Variants in ARID4B observed in about 807,000 individuals in gnomAD.
ARID4B encodes AT-rich interactive domain-containing protein 4B.
A neutral mutation model predicts 147.5 loss-of-function variants in ARID4B; 26 were observed. The ratio of observed to expected loss-of-function variants is 0.18; its 90% confidence interval spans 0.13 to 0.24. The LOEUF (loss-of-function observed/expected upper bound fraction) is 0.24, where lower values mean the gene tolerates loss of function less well. Ranked by LOEUF, ARID4B falls within the 10% of genes least tolerant of loss-of-function variation. ARID4B has a pLI of 1.00. For missense variants in ARID4B, 1,179 were observed against 1,511.5 expected (o/e 0.78, Z 3.65); for synonymous variants, 512 against 507.9 (o/e 1.01, Z -0.11).
At chr1:235,197,476 T>C (rs986419064) in intron 17 of ARID4B, among the ~76,000 whole-genome samples, 1 of 152,196 alleles carries the variant, frequency 6.6e-6, no homozygotes, top group East Asian at 1.9e-4. Context: ...TACTGGCTTG[T>C]AGCCAGTAAA....
At chr1:235,255,797 A>G in intron 4 of ARID4B, 47 bp from the exon 5 acceptor site, 1 of 1,342,538 alleles carries the variant, frequency 7.4e-7, no homozygotes, top group Non-Finnish European at 1.0e-6. Context: ...AAGGTAAATT[A>G]ACAAACCAAA....
intron 2 of ARID4B, among the ~76,000 whole-genome samples, chr1:235,297,182 T>A (rs954915206): frequency 6.6e-6 from 1 of 152,066 alleles, no homozygotes; most frequent in Non-Finnish European, 1.5e-5. Context: ...CAGGAACCCA[T>A]CTGAAGGGGT....
chr1:235,190,281 C>T (rs2102948066), intron 19 of ARID4B, among the ~76,000 whole-genome samples: 1 of 152,160 alleles, frequency 6.6e-6, no homozygotes, highest in East Asian at 1.9e-4. Context: ...AACCCCATCT[C>T]TACTAAAAAT....
intron 19 of ARID4B, among the ~76,000 whole-genome samples, chr1:235,186,694 T>G (rs1664708836): frequency 6.6e-6 from 1 of 151,898 alleles, no homozygotes. Context: ...TGAGCCACTG[T>G]GCCCAGCTCT....
intron 6 of ARID4B, among the ~76,000 whole-genome samples, chr1:235,248,586 G>C (rs1669448821): frequency 6.6e-6 from 1 of 152,166 alleles, no homozygotes; most frequent in African/African-American, 2.4e-5. Flanking sequence ...ATAAAAGAGA[G>C]AGAGAGATTT....
intron 2 of ARID4B, among the ~76,000 whole-genome samples, chr1:235,271,658 T>C (rs1670995508): frequency 6.8e-6 from 1 of 147,846 alleles, no homozygotes; most frequent in Non-Finnish European, 1.5e-5. Context: ...TAAATAATAA[T>C]AATAATCCAG....
chr1:235,225,725 T>G (rs1667784977), intron 11 of ARID4B, among the ~76,000 whole-genome samples: 1 of 152,226 alleles, frequency 6.6e-6, no homozygotes, highest in Admixed American at 6.5e-5. Context: ...ATTCAACTGG[T>G]AATCTAAATA....
At chr1:235,283,182 C>T (rs1467092684) in intron 2 of ARID4B, among the ~76,000 whole-genome samples, 2 of 152,096 alleles carry the variant, frequency 1.3e-5, no homozygotes, top group African/African-American at 4.8e-5. Context: ...AGTATTATTA[C>T]CCACTGGTAT....
chr1:235,228,070 A>G (rs576104098), intron 11 of ARID4B, among the ~76,000 whole-genome samples: 1 of 151,912 alleles, frequency 6.6e-6, no homozygotes, highest in South Asian at 2.1e-4. Context: ...TCCTGATCTC[A>G]TGATCTGCCC....
chr1:235,220,538 A>T lies in ARID4B; in HGVS notation c.1171T>A (p.Tyr391Asn). ...NVKCAYKKYL[Y>N]GFEEYCRSAN... is the part of the protein sequence containing the mutation. ...GATCTACAGTACTCCTCAAAACCATATAAGTATCTGGAAACATGAAGAGAA... is the reference window on the plus strand; with the variant it reads ...GATCTACAGTACTCCTCAAAACCATTTAAGTATCTGGAAACATGAAGAGAA... The change falls in exon 15 of 24, where the codon TAT becomes AAT. Residue 391 changes from tyrosine (Y) to asparagine (N), a missense_variant. Physicochemically the swap from Tyr to Asn is moderately radical, Grantham distance 143. This residue lies in a region of ARID4B where 204 missense variants were observed against 210.9 expected (regional missense o/e 0.97). Transcript: ENST00000264183. 1 of 1,569,592 alleles carries T rather than the reference A, an allele frequency of 6.4e-7. No homozygotes were observed. The highest frequency in any genetic ancestry group is 8.6e-7 in the Non-Finnish European group (1 of 1,160,344).
chr1:235,294,306 G>C, intron 2 of ARID4B, among the ~76,000 whole-genome samples: 2 of 127,454 alleles, frequency 1.6e-5, no homozygotes, highest in Non-Finnish European at 1.7e-5. Context: ...ATGCAAACCA[G>C]CAGCATTTTT....
intron 17 of ARID4B, among the ~76,000 whole-genome samples, chr1:235,204,435 TAAG>T (rs1369890997): frequency 7.2e-5 from 11 of 152,132 alleles, no homozygotes; most frequent in African/African-American, 2.7e-4. Flanking sequence ...TCCTCACACT[TAAG>T]AATATAACAG....
At chr1:235,175,506 A>G in intron 21 of ARID4B, 107 bp from the exon 22 acceptor site, 1 of 875,574 alleles carries the variant, frequency 1.1e-6, no homozygotes, top group Non-Finnish European at 1.8e-6. Context: ...CCTACAGAAA[A>G]CAACCTGCCT....
chr1:235,246,316 G>C (rs533434242), intron 7 of ARID4B, 104 bp downstream of exon 7: 27 of 881,740 alleles, frequency 3.1e-5, no homozygotes, highest in Admixed American at 4.3e-5. Context: ...ATTACTATTA[G>C]ATCTGGTTAG....
intron 23 of ARID4B, among the ~76,000 whole-genome samples, chr1:235,170,730 T>C (rs1663280183): frequency 1.3e-5 from 2 of 150,874 alleles, no homozygotes; most frequent in South Asian, 4.2e-4. Context: ...AGAGAGATAC[T>C]CTGTCTCAAA....
At chr1:235,185,970 ATTTGCTTTTTTTTTT>A (rs1357065515) in intron 19 of ARID4B, among the ~76,000 whole-genome samples, 8 of 134,034 alleles carry the variant, frequency 6.0e-5, no homozygotes, top group Non-Finnish European at 9.6e-5. Context: ...TTCTTTAGTT[ATTTGCTTTTTTTTTT>A]TTTGAGACTG....
At chr1:235,173,146 C>T (rs971133697) in intron 22 of ARID4B, among the ~76,000 whole-genome samples, 1 of 151,850 alleles carries the variant, frequency 6.6e-6, no homozygotes, top group South Asian at 2.1e-4. Context: ...GAGTTCGATA[C>T]CAGCCTGGCC....
chr1:235,300,893 T>A (rs570522159), intron 2 of ARID4B, among the ~76,000 whole-genome samples: 14 of 151,986 alleles, frequency 9.2e-5, no homozygotes, highest in Admixed American at 2.6e-4. Flanking sequence ...GTGTGTATAT[T>A]TTTAGTAGAG....
intron 22 of ARID4B, 67 bp downstream of exon 22, chr1:235,175,117 A>C: frequency 6.9e-7 from 1 of 1,440,086 alleles, no homozygotes; most frequent in East Asian, 2.3e-5. Flanking sequence ...AAAAACAAAA[A>C]CAAAATAAAA....
Sources: gnomAD v4.1 joint callset for allele counts (sites outside exome capture counted in the v4.1 genomes callset) on GRCh38, gnomAD v4.1.1 for gene constraint, gnomAD v4.1.1 regional missense constraint, MANE v1.5 for transcripts, NCBI Gene and HGNC (gene_info 2026-07-23, HGNC 2026-07-21) for gene names.